PPP4R2: variants seen among roughly 807,000 people sequenced by gnomAD.
PPP4R2 encodes serine/threonine-protein phosphatase 4 regulatory subunit 2.
In PPP4R2, 13 loss-of-function variants were observed where a neutral mutation model predicts 47.2. The ratio of observed to expected loss-of-function variants is 0.28; its 90% CI spans 0.18 to 0.44. PPP4R2 has a LOEUF of 0.44. PPP4R2 is among the 20% of genes least tolerant of loss of function. PPP4R2 has a pLI of 1.00. For synonymous variants in PPP4R2, 151 were observed against 163.3 expected (o/e 0.92, Z 0.57); for missense variants, 421 against 491.2 (o/e 0.86, Z 1.35).
rs1209058302 is a variant in PPP4R2, at chr3:73,026,916, TA to T, written c.117-20269del. ...GGGTTGAAATCCCAGCCCTGTTACT[TA>T]TTACCTGTGCAATTATGGGCAGTTT... On this transcript the variant is annotated intron_variant, in intron 2 of 8. Coordinates refer to ENST00000356692, the MANE Select transcript of PPP4R2 (RefSeq NM_174907.4). 9.2e-5 allele frequency among the ~76,000 whole-genome samples: 14 copies of T among 152,308 alleles called. No homozygotes were observed. The East Asian group carries it at 2.3e-3, about 25-fold the overall frequency.
rs766467623 is a variant in PPP4R2, at chr3:73,062,318, A to G, written c.419+1258A>G. On this transcript the variant is annotated intron_variant, in intron 5 of 8. Transcript: ENST00000356692. ...CTGACCTTCAAGGAAGATTTGAGCT[A>G]TCTGGGAAAAACAGACAGTATCCAC... The G allele has an allele frequency of 1.7e-5, 28 of 1,604,948 alleles. No individual in the cohort carries two copies. In the South Asian group the frequency reaches 2.8e-4, roughly 16 times the overall value.
At chr3:73,021,846 ATATGTGTGTGTG>A (rs1405710899) in intron 2 of PPP4R2, among the ~76,000 whole-genome samples, 1 of 120,832 alleles carries the variant, frequency 8.3e-6, no homozygotes, top group African/African-American at 3.9e-5. Flanking sequence ...TTACATTTCT[ATATGTGTGTGTG>A]TGTGTGTGTG....
chr3:72,997,101 C>T (rs1313412683), intron 1 of PPP4R2, 30 bp downstream of exon 1: 2 of 1,339,830 alleles, frequency 1.5e-6, no homozygotes, highest in Non-Finnish European at 9.7e-7. Flanking sequence ...CTCCATTCCC[C>T]CTCACCTTCT....
intron 2 of PPP4R2, among the ~76,000 whole-genome samples, chr3:73,029,621 T>C (rs898280407): frequency 7.2e-5 from 11 of 152,154 alleles, no homozygotes; most frequent in African/African-American, 2.4e-4. Context: ...AGTTCAGTTT[T>C]GGACATGCCA....
At chr3:73,031,041 A>G (rs1259425867) in intron 2 of PPP4R2, among the ~76,000 whole-genome samples, 5 of 152,066 alleles carry the variant, frequency 3.3e-5, no homozygotes, top group Admixed American at 6.6e-5. Flanking sequence ...TAATGAAGGG[A>G]GAGAGGTTGT....
At chr3:73,062,859 G>T in intron 5 of PPP4R2, 2 of 1,613,806 alleles carry the variant, frequency 1.2e-6, no homozygotes, top group Non-Finnish European at 1.7e-6. Flanking sequence ...TCTATTTGGA[G>T]ACTTTGAATC....
chr3:73,058,728 G>T (rs569867512), intron 3 of PPP4R2, among the ~76,000 whole-genome samples: 36 of 151,580 alleles, frequency 2.4e-4, no homozygotes, highest in Admixed American at 2.4e-3. Flanking sequence ...AACCTGTTGT[G>T]CTATCAAATA....
At chr3:73,008,617 T>C (rs887969240) in intron 2 of PPP4R2, among the ~76,000 whole-genome samples, 2 of 152,214 alleles carry the variant, frequency 1.3e-5, no homozygotes, top group Admixed American at 1.3e-4. Context: ...GGTGAGACTT[T>C]GGACAAATTA....
rs965963354 is a variant in PPP4R2 at position 72,999,028 on chromosome 3, C to T, written c.116+870C>T. Among the ~76,000 whole-genome samples the T allele has an allele frequency of 2.0e-5, 3 of 152,148 alleles. No homozygotes were observed. The East Asian group carries it at 5.8e-4, about 29-fold the overall frequency. On this transcript the variant is annotated intron_variant, in intron 2 of 8. Coordinates refer to ENST00000356692, the MANE Select transcript of PPP4R2 (RefSeq NM_174907.4). ...TCTGGCTTTATTATTAGCAAGTGTT[C>T]ATTTCTCACAAGATTTGCTTATTTG...
In PPP4R2 at chr3:73,006,106, G is replaced by A. The variant is rs144086180; in HGVS notation, c.116+7948G>A. On this transcript the variant is annotated intron_variant, in intron 2 of 8. Coordinates refer to ENST00000356692, the MANE Select transcript of PPP4R2 (RefSeq NM_174907.4). Reference sequence around the variant, plus strand: ...AATTTTATGTAAATGGAACCATACAGTATGTATTCTTTGGCTTCTTCTATT... The same window carrying A: ...AATTTTATGTAAATGGAACCATACAATATGTATTCTTTGGCTTCTTCTATT... 5.2e-3 allele frequency among the ~76,000 whole-genome samples: 784 copies of A among 151,304 alleles called. 7 individuals carry two copies. Among genetic ancestry groups the A allele is most frequent in the African/African-American group, 0.018 (755 of 41,286 alleles).
intron 2 of PPP4R2, among the ~76,000 whole-genome samples, chr3:73,036,580 A>G (rs1410322352): frequency 6.6e-6 from 1 of 152,220 alleles, no homozygotes; most frequent in Non-Finnish European, 1.5e-5. Flanking sequence ...ATTCCCAGGA[A>G]GCGTTAATTC....
At chr3:72,999,679 A>T (rs1488261148) in intron 2 of PPP4R2, among the ~76,000 whole-genome samples, 1 of 152,192 alleles carries the variant, frequency 6.6e-6, no homozygotes, top group African/African-American at 2.4e-5. Flanking sequence ...CTGGAACACC[A>T]AGTGGCTGGG....
rs145127092 is a variant in PPP4R2, at chr3:73,059,384, G to A, written c.381+254G>A. On this transcript the variant is annotated intron_variant, in intron 4 of 8. Coordinates refer to ENST00000356692, the MANE Select transcript of PPP4R2 (RefSeq NM_174907.4). ...GCTTATTATTTCTTGGAAATTCATAGTGTATATCAACTTATTAAAGGTTCT... is the reference window on the plus strand; with the variant it reads ...GCTTATTATTTCTTGGAAATTCATAATGTATATCAACTTATTAAAGGTTCT... 2.8e-3 allele frequency among the ~76,000 whole-genome samples: 423 copies of A among 152,270 alleles called. 1 individual carries two copies. Among genetic ancestry groups the A allele is most frequent in the African/African-American group, 9.5e-3 (394 of 41,544 alleles).
intron 2 of PPP4R2, among the ~76,000 whole-genome samples, chr3:73,016,751 T>G (rs1436720461): frequency 7.5e-6 from 1 of 134,172 alleles, no homozygotes; most frequent in Non-Finnish European, 1.7e-5. Context: ...TATTTTTTTT[T>G]TTTAATACAG....
intron 2 of PPP4R2, among the ~76,000 whole-genome samples, chr3:73,022,549 T>G (rs1204059755): frequency 6.6e-6 from 1 of 152,190 alleles, no homozygotes; most frequent in Non-Finnish European, 1.5e-5. Context: ...TTTAAATTTT[T>G]TCCTTTAGAA....
At chr3:73,049,831 A>G (rs1450315936) in intron 3 of PPP4R2, among the ~76,000 whole-genome samples, 1 of 151,662 alleles carries the variant, frequency 6.6e-6, no homozygotes, top group Non-Finnish European at 1.5e-5. Flanking sequence ...CTTAATCTGT[A>G]AAAGAGGTAA....
At chr3:73,036,682 A>AT (rs1158293858) in intron 2 of PPP4R2, among the ~76,000 whole-genome samples, 1 of 152,060 alleles carries the variant, frequency 6.6e-6, no homozygotes, top group Non-Finnish European at 1.5e-5. Context: ...GCTTTTAATG[A>AT]TTTTTTTCTT....
chr3:73,002,343 T>C, intron 2 of PPP4R2, among the ~76,000 whole-genome samples: 1 of 152,212 alleles, frequency 6.6e-6, no homozygotes, highest in East Asian at 1.9e-4. Flanking sequence ...CTCAAACTCT[T>C]AGGCTCAAGG....
intron 7 of PPP4R2, among the ~76,000 whole-genome samples, chr3:73,064,422 TGAAAA>T (rs1484101047): frequency 2.6e-5 from 4 of 152,242 alleles, no homozygotes; most frequent in African/African-American, 7.2e-5. Flanking sequence ...GAAAGTTACT[TGAAAA>T]GAAATGATCT....
Sources: allele counts gnomAD v4.1 joint callset (sites outside exome capture counted in the v4.1 genomes callset), GRCh38; gene constraint gnomAD v4.1.1; transcripts MANE v1.5; gene names NCBI Gene and HGNC (gene_info 2026-07-23, HGNC 2026-07-21).